Variants in POLE observed in about 807,000 individuals in gnomAD.
The protein encoded by POLE is DNA polymerase epsilon, catalytic subunit.
In POLE, 188 loss-of-function variants were observed where a neutral mutation model predicts 279.2. The observed-to-expected ratio is 0.67, with a 90% CI of 0.60 to 0.76. The LOEUF (loss-of-function observed/expected upper bound fraction) is 0.76. Among genes scored for constraint, POLE ranks in the 30% least tolerant of loss-of-function variants. POLE has a pLI of 0.00. For synonymous variants in POLE, 1,214 were observed against 1,172.5 expected (o/e 1.04, Z -0.72); for missense variants, 2,703 against 3,016.7 (o/e 0.90, Z 2.44).
intron 6 of POLE, 142 bp downstream of exon 6, chr12:132,679,355 C>G: frequency 1.3e-6 from 1 of 757,452 alleles, no homozygotes; most frequent in Non-Finnish European, 2.2e-6. Flanking sequence ...ACAGAACATA[C>G]AGAAATCTCT....
At position 132,648,933 on chromosome 12, in the gene POLE, C is replaced by A. The variant is rs143229302; in HGVS notation, c.4145G>T (p.Arg1382Leu). ...GCAGCACCAGCTCCTCCCTACCTTG[C>A]GATACGAAGCACCCTCCTCCGCTTT... is the stretch of plus-strand genomic sequence containing the variant. ...VAKAEEGASY[R>L]KVNRVLPRSN... is the part of the protein sequence containing the mutation. Residue 1382 changes from arginine to leucine, a missense_variant, in exon 32 of 49, where the codon CGC becomes CTC. This residue lies in a region of POLE where 1,551 missense variants were observed against 1,686.1 expected (regional missense o/e 0.92). Coordinates refer to ENST00000320574, the MANE Select transcript of POLE (RefSeq NM_006231.4). 2 of 1,611,214 alleles carry A rather than the reference C, an allele frequency of 1.2e-6. No individual in the cohort carries two copies. The highest frequency in any genetic ancestry group is 2.7e-5 in the African/African-American group (2 of 74,898).
chr12:132,675,965 G>T lies in POLE; in HGVS notation c.1020+129C>A. On this transcript the variant is annotated intron_variant, in intron 10 of 48. Transcript: ENST00000320574. This position sits in a 1 kb window ranked among gnomAD's most constrained non-coding sequence, Gnocchi z 4.3. ...TCCGCCCGTCTCTGGCAGAAAAGAC[G>T]GTCATACCCTGAGAACAAAGCTCAT... The T allele has an allele frequency of 1.1e-6, 1 of 933,208 alleles. No homozygotes were observed. The highest frequency in any genetic ancestry group is 1.5e-5 in the South Asian group (1 of 68,262). The allele number at this position is 933,208 out of a possible 1,614,324, so 57.8% of individuals were successfully genotyped here.
rs949243552 is a variant in POLE at position 132,649,373 on chromosome 12, G to A, written c.3938C>T (p.Thr1313Met). 19 of 1,613,550 alleles carry A rather than the reference G, an allele frequency of 1.2e-5. No homozygotes were observed. The highest frequency in any genetic ancestry group is 3.3e-5 in the Admixed American group (2 of 60,030). Reference protein sequence around the residue: ...RPGAIRDGPATGLGSFLRRTA... With the variant: ...RPGAIRDGPAMGLGSFLRRTA... ...TCTTCGCAAGAAGCTCCCCAGCCCC[G>A]TGGCAGGACCATCCCGGATGGCCCC... Residue 1313 changes from threonine to methionine, a missense_variant, in exon 31 of 49, where the codon ACG becomes ATG. Coordinates refer to ENST00000320574, the MANE Select transcript of POLE (RefSeq NM_006231.4).
In POLE at chr12:132,673,734, A is replaced by C. The variant is rs1393384882; in HGVS notation, c.1227-27T>G. 9 of 1,611,738 alleles carry C rather than the reference A, an allele frequency of 5.6e-6. No homozygotes were observed. In the East Asian group the frequency reaches 1.8e-4, roughly 32 times the overall value. On this transcript the variant is annotated intron_variant, in intron 12 of 48. Coordinates refer to ENST00000320574, the MANE Select transcript of POLE (RefSeq NM_006231.4). ...TGGAAGGAGAATGAGAACAGAAGCC[A>C]GGATGATTCTAACATGCAGCCCGGG...
intron 20 of POLE, among the ~76,000 whole-genome samples, chr12:132,665,701 A>T (rs537134472): frequency 4.6e-4 from 70 of 152,276 alleles, no homozygotes; most frequent in African/African-American, 1.6e-3. Flanking sequence ...CTGACATCCT[A>T]AACGCTTCAG....
At chr12:132,644,772 C>A in intron 32 of POLE, among the ~76,000 whole-genome samples, 1 of 93,684 alleles carries the variant, frequency 1.1e-5, no homozygotes, top group African/African-American at 4.3e-5. Context: ...GGCACCCTAG[C>A]TCCCTGTGTG....
At chr12:132,637,090 C>G (rs939252611) in intron 41 of POLE, among the ~76,000 whole-genome samples, 1 of 152,250 alleles carries the variant, frequency 6.6e-6, no homozygotes, top group East Asian at 1.9e-4. Flanking sequence ...CACAGCGTGA[C>G]CACTGACCAT....
At chr12:132,633,950 T>A (rs1593711344) in intron 43 of POLE, 1 of 435,108 alleles carries the variant, frequency 2.3e-6, no homozygotes, top group African/African-American at 2.0e-5. Context: ...CCCCATGGAG[T>A]TTCCTGAGAG....
Position 132,672,242 on chromosome 12 carries a change from A to G in POLE, c.1767T>C (p.Pro589=). 2 of 1,614,116 alleles carry G rather than the reference A, an allele frequency of 1.2e-6. No homozygotes were observed. Among genetic ancestry groups the G allele is most frequent in the Non-Finnish European group, 1.7e-6 (2 of 1,179,936 alleles). ...RHALEEEEKV[P]VEQVTNFEEV... is the part of the protein sequence containing the mutation. ...CTTCAAAGTTGGTGACTTGCTCCAC[A>G]GGCACTTTCTCCTCTTCCTCAAGGG... is the stretch of plus-strand genomic sequence containing the variant. The change falls in exon 16 of 49, where the codon CCT becomes CCC. Residue 589 remains proline, a synonymous_variant. Coordinates refer to ENST00000320574, the MANE Select transcript of POLE (RefSeq NM_006231.4).
Position 132,664,394 on chromosome 12 carries a change from G to A in POLE, c.2537C>T (p.Ala846Val), listed in dbSNP as rs1060500798. ...CFTGANIITQ[A>V]RELIEQIGRP... ...CCCAATCTGCTCGATCAGCTCCCGT[G>A]CCTGGGTGATGATGTTGGCCCCTGT... Residue 846 changes from alanine (A) to valine (V), a missense_variant, in exon 22 of 49, where the codon GCA (alanine) becomes GTA (valine). Physicochemically the swap from Ala to Val is moderately conservative, Grantham distance 64. This residue lies in a region of POLE where 21 missense variants were observed against 51.9 expected (regional missense o/e 0.40). Transcript: ENST00000320574. The surrounding 1 kb of genome is among the most constrained non-coding windows in gnomAD (Gnocchi z 5.3). The A allele has an allele frequency of 6.2e-7, 1 of 1,613,956 alleles. No individual in the cohort carries two copies. Among genetic ancestry groups the A allele is most frequent in the Non-Finnish European group, 8.5e-7 (1 of 1,179,966 alleles).
intron 23 of POLE, among the ~76,000 whole-genome samples, chr12:132,662,965 CAGT>C (rs2042712061): frequency 6.6e-6 from 1 of 152,146 alleles, no homozygotes. Flanking sequence ...CCAATTGATA[CAGT>C]AGAAGGAATG....
At chr12:132,663,377 G>A (rs1456773818) in intron 23 of POLE, among the ~76,000 whole-genome samples, 1 of 152,258 alleles carries the variant, frequency 6.6e-6, no homozygotes, top group Non-Finnish European at 1.5e-5. Flanking sequence ...ATGCGTGTGA[G>A]AACGTGGGGA....
Position 132,668,212 on chromosome 12 carries a change from C to T in POLE, c.2173+144G>A. On this transcript the variant is annotated intron_variant, in intron 19 of 48. Transcript: ENST00000320574. This position sits in a 1 kb window ranked among gnomAD's most constrained non-coding sequence, Gnocchi z 4.0. The stretch of plus-strand genomic sequence containing the variant: ...AAAGGACCCTGCAGTGAGAGCACAG[C>T]TTACAGTGACCTAGAGCAGCTTCTG... 1 of 882,838 alleles carries T rather than the reference C, an allele frequency of 1.1e-6. No homozygotes were observed. The highest frequency in any genetic ancestry group is 2.1e-5 in the South Asian group (1 of 47,786). The allele number at this position is 882,838 out of a possible 1,614,324, so 54.7% of individuals were successfully genotyped here. A position where few individuals can be genotyped will look rare whatever the true frequency, so the allele number is the denominator to read the frequency against.
intron 16 of POLE, 123 bp downstream of exon 16, chr12:132,672,092 C>A (rs2042940209): frequency 1.4e-6 from 1 of 700,242 alleles, no homozygotes; most frequent in Non-Finnish European, 2.6e-6. Flanking sequence ...CCACCAGAGA[C>A]CCTGTGTCAT....
chr12:132,660,946 G>A (rs2042663932), intron 25 of POLE, 23 bp downstream of exon 25: 1 of 1,560,800 alleles, frequency 6.4e-7, no homozygotes, highest in Non-Finnish European at 8.7e-7. Context: ...CAGAGCAGGT[G>A]AGGGTGGAGG....
In POLE at chr12:132,641,871, G is replaced by C. The variant is rs2138526764; in HGVS notation, c.5174-20C>G. On this transcript the variant is annotated intron_variant, in intron 38 of 48. Transcript: ENST00000320574. ...CACACACTGCACAGGAAGACGCCAT[G>C]CTCAGCCAGCATCCTGCCAGCTCCA... 1 of 1,596,662 alleles carries C rather than the reference G, an allele frequency of 6.3e-7. No homozygotes were observed. The highest frequency in any genetic ancestry group is 8.5e-7 in the Non-Finnish European group (1 of 1,178,222).
intron 19 of POLE, among the ~76,000 whole-genome samples, chr12:132,667,924 A>T (rs1418840392): frequency 6.6e-6 from 1 of 152,166 alleles, no homozygotes; most frequent in Non-Finnish European, 1.5e-5. Flanking sequence ...TCTACAAAAA[A>T]TACAAAAAAT....
At position 132,666,669 on chromosome 12, in the gene POLE, G is replaced by A. The variant is rs558181715; in HGVS notation, c.2319+834C>T. Among the ~76,000 whole-genome samples the A allele has an allele frequency of 6.0e-5, 9 of 148,862 alleles. No homozygotes were observed. The East Asian group carries it at 8.1e-4, about 13-fold the overall frequency. On this transcript the variant is annotated intron_variant, in intron 20 of 48. Coordinates refer to ENST00000320574, the MANE Select transcript of POLE (RefSeq NM_006231.4). ...TCACTTACATGACATCCCTAGAGTCGTGGAATTCAGAGAGAGAAAGTGGAA... is the reference window on the plus strand; with the variant it reads ...TCACTTACATGACATCCCTAGAGTCATGGAATTCAGAGAGAGAAAGTGGAA...
chr12:132,639,957 C>CA lies in POLE; in HGVS notation c.5379-660dup, dbSNP rs1287547184. Among the ~76,000 whole-genome samples, 11 of 19,450 alleles carry CA rather than the reference C, an allele frequency of 5.7e-4. No homozygotes were observed. Among genetic ancestry groups the CA allele is most frequent in the African/African-American group, 1.0e-3 (3 of 2,972 alleles). The allele number at this position is 19,450 out of a possible 152,430, so 12.8% of individuals were successfully genotyped here. On this transcript the variant is annotated intron_variant, in intron 39 of 48. Transcript: ENST00000320574. The surrounding 1 kb of genome is among the most constrained non-coding windows in gnomAD (Gnocchi z 4.7). ...GTGAGACTGTCTCAAAAAACAAAAA[C>CA]AAAACAAAACAAAACAAAACAAAAC...
Sources: gnomAD v4.1 joint callset for allele counts (sites outside exome capture counted in the v4.1 genomes callset) on GRCh38, gnomAD v4.1.1 for gene constraint, gnomAD v4.1.1 regional missense constraint, Gnocchi (gnomAD v3.1) non-coding constraint, MANE v1.5 for transcripts, NCBI Gene and HGNC (gene_info 2026-07-23, HGNC 2026-07-21) for gene names.